Variants in FOXP2 observed in about 807,000 individuals in gnomAD.
FOXP2 encodes the protein forkhead box P2.
Under a neutral mutation model 115.8 loss-of-function variants are expected in FOXP2, and 12 were observed. The ratio of observed to expected loss-of-function variants is 0.10; its 90% CI spans 0.07 to 0.17. The LOEUF (loss-of-function observed/expected upper bound fraction) is 0.17. Ranked by LOEUF, FOXP2 falls within the 10% of genes least tolerant of loss-of-function variation. FOXP2 has a pLI of 1.00. For synonymous variants in FOXP2, 328 were observed against 297.7 expected (o/e 1.10, Z -1.05); for missense variants, 629 against 843.5 (o/e 0.75, Z 3.15).
intron 2 of FOXP2, among the ~76,000 whole-genome samples, chr7:114,362,951 A>G (rs866365677): frequency 1.3e-5 from 2 of 152,034 alleles, no homozygotes; most frequent in African/African-American, 2.4e-5. Context: ...TATAATTGAC[A>G]TAGCAGAGGC....
chr7:114,691,736 C>G lies in FOXP2; in HGVS notation c.*1810C>G, dbSNP rs1259477052. On this transcript the variant is annotated 3_prime_UTR_variant, in exon 17 of 17. Coordinates refer to ENST00000350908, the MANE Select transcript of FOXP2 (RefSeq NM_014491.4). ...TTTTGACAGAAGGTGGCTGCTAGAG[C>G]TTAACATACGTTCCCGTTCCATGTG... is the stretch of plus-strand genomic sequence containing the variant. The G allele has an allele frequency of 1.1e-5, 5 of 454,028 alleles. No homozygotes were observed. Among genetic ancestry groups the G allele is most frequent in the African/African-American group, 2.0e-5 (1 of 49,932 alleles). The allele number at this position is 454,028 out of a possible 1,614,324, so 28.1% of individuals were successfully genotyped here.
chr7:114,324,167 G>A (rs1797498694), intron 2 of FOXP2, among the ~76,000 whole-genome samples: 1 of 151,656 alleles, frequency 6.6e-6, no homozygotes, highest in African/African-American at 2.4e-5. Context: ...CCAGTACAAT[G>A]TCTTGCTTTT....
At chr7:114,608,986 G>C (rs533209463) in intron 3 of FOXP2, among the ~76,000 whole-genome samples, 14 of 152,066 alleles carry the variant, frequency 9.2e-5, no homozygotes, top group African/African-American at 3.1e-4. Context: ...ATCACCTGAG[G>C]TCAGGGTTTC....
chr7:114,137,200 A>AT (rs1792064513), intron 1 of FOXP2, among the ~76,000 whole-genome samples: 1 of 152,082 alleles, frequency 6.6e-6, no homozygotes, highest in African/African-American at 2.4e-5. Context: ...AGAGGGTATT[A>AT]TGGATAGGTT....
chr7:114,120,270 A>G (rs1231286091), intron 1 of FOXP2, among the ~76,000 whole-genome samples: 1 of 152,154 alleles, frequency 6.6e-6, no homozygotes, highest in African/African-American at 2.4e-5. Flanking sequence ...CTCACATACC[A>G]CATGCTAGGA....
At chr7:114,237,666 T>TA (rs1795046343) in intron 1 of FOXP2, among the ~76,000 whole-genome samples, 2 of 152,172 alleles carry the variant, frequency 1.3e-5, no homozygotes, top group South Asian at 2.1e-4. Flanking sequence ...GTTTGTTTTT[T>TA]AAAAAAATTA....
intron 7 of FOXP2, among the ~76,000 whole-genome samples, chr7:114,643,221 G>A (rs986371695): frequency 1.2e-4 from 18 of 152,100 alleles, no homozygotes; most frequent in Non-Finnish European, 2.1e-4. Context: ...TGGAATGATT[G>A]TATCAATATA....
chr7:114,455,488 A>G (rs1795277174), intron 2 of FOXP2, among the ~76,000 whole-genome samples: 1 of 152,184 alleles, frequency 6.6e-6, no homozygotes, highest in South Asian at 2.1e-4. Context: ...AGTAAAAAAT[A>G]GAGTTTTCCA....
At chr7:114,251,302 A>G (rs1462982096) in intron 1 of FOXP2, among the ~76,000 whole-genome samples, 2 of 152,150 alleles carry the variant, frequency 1.3e-5, no homozygotes, top group Non-Finnish European at 2.9e-5. Flanking sequence ...TTCCATATGA[A>G]CTTTGAAATA....
At position 114,644,988 on chromosome 7, in the gene FOXP2, A is replaced by G. The variant is rs184421116; in HGVS notation, c.1094+199A>G. On this transcript the variant is annotated intron_variant, in intron 8 of 16. Transcript: ENST00000350908. Reference sequence around the variant, plus strand: ...CATTAAGATATTTTACAAATCATTTAGTAAAGATTTTTGAATGAATGAAAA... The same window carrying G: ...CATTAAGATATTTTACAAATCATTTGGTAAAGATTTTTGAATGAATGAAAA... 38 of 502,676 alleles carry G rather than the reference A, an allele frequency of 7.6e-5. 1 individual carries two copies. Among genetic ancestry groups the G allele is most frequent in the Non-Finnish European group, 1.8e-5 (5 of 280,454 alleles). The allele number at this position is 502,676 out of a possible 1,614,324, so 31.1% of individuals were successfully genotyped here.
At chr7:114,672,584 CA>C (rs76316930) in intron 16 of FOXP2, among the ~76,000 whole-genome samples, 17 of 131,168 alleles carry the variant, frequency 1.3e-4, no homozygotes, top group East Asian at 2.1e-4. Context: ...GACTCCATCT[CA>C]AAAAAAAAAA....
At chr7:114,126,333 T>A (rs1791708001) in intron 1 of FOXP2, among the ~76,000 whole-genome samples, 1 of 152,112 alleles carries the variant, frequency 6.6e-6, no homozygotes, top group Non-Finnish European at 1.5e-5. Context: ...TGCATATGTA[T>A]GTGTCAGTAT....
At chr7:114,351,980 A>G (rs1791501253) in intron 2 of FOXP2, among the ~76,000 whole-genome samples, 1 of 152,090 alleles carries the variant, frequency 6.6e-6, no homozygotes, top group South Asian at 2.1e-4. Context: ...CAGAAAACTG[A>G]GTTAGAACCA....
intron 1 of FOXP2, among the ~76,000 whole-genome samples, chr7:114,238,992 A>G (rs1795083626): frequency 6.6e-6 from 1 of 150,504 alleles, no homozygotes; most frequent in Non-Finnish European, 1.5e-5. Flanking sequence ...TATAAATTTT[A>G]TAATTTATTA....
chr7:114,090,105 T>C (rs1392195881), intron 1 of FOXP2, among the ~76,000 whole-genome samples: 3 of 151,940 alleles, frequency 2.0e-5, no homozygotes, highest in Non-Finnish European at 4.4e-5. Flanking sequence ...CTATTAGTTA[T>C]AATACTGATA....
chr7:114,416,404 C>G (rs975043275), intron 1 of FOXP2: 4 of 150,742 alleles, frequency 2.7e-5, no homozygotes, highest in Non-Finnish European at 5.9e-5. Flanking sequence ...TTCCTCTGAC[C>G]AGTTTGACAT....
At chr7:114,449,229 T>A (rs1794965268) in intron 2 of FOXP2, among the ~76,000 whole-genome samples, 1 of 152,214 alleles carries the variant, frequency 6.6e-6, no homozygotes, top group African/African-American at 2.4e-5. Context: ...AAAGTTTCTT[T>A]AAGTAGATAG....
upstream of FOXP2, among the ~76,000 whole-genome samples, chr7:114,412,684 G>T (rs1223416934): frequency 6.6e-6 from 1 of 152,156 alleles, no homozygotes; most frequent in Non-Finnish European, 1.5e-5. Context: ...GGCACCTATG[G>T]CTTGATAGCT....
intron 1 of FOXP2, among the ~76,000 whole-genome samples, chr7:114,121,516 A>G (rs1375655435): frequency 6.6e-6 from 1 of 152,162 alleles, no homozygotes; most frequent in Non-Finnish European, 1.5e-5. Flanking sequence ...CAGTGGATAT[A>G]TGGATCTTGA....
Sources: allele counts gnomAD v4.1 joint callset (sites outside exome capture counted in the v4.1 genomes callset), GRCh38; gene constraint gnomAD v4.1.1; transcripts MANE v1.5; gene names NCBI Gene and HGNC (gene_info 2026-07-23, HGNC 2026-07-21).